The following ADAMTSL1 variants were observed in gnomAD, a reference collection of about 807,000 sequenced individuals.
ADAMTSL1 encodes the protein ADAMTS like 1.
A neutral mutation model predicts 201.8 loss-of-function variants in ADAMTSL1; 126 were observed. The observed-to-expected ratio is 0.62, with a 90% CI of 0.54 to 0.72. ADAMTSL1 has a LOEUF of 0.72. Among genes scored for constraint, ADAMTSL1 ranks in the 30% least tolerant of loss-of-function variants. ADAMTSL1 has a pLI of 0.00. For missense variants in ADAMTSL1, 2,679 were observed against 2,277.8 expected, an observed-to-expected ratio of 1.18 and a Z score of -3.59; for synonymous variants, 1,121 against 903.4, an observed-to-expected ratio of 1.24 and a Z score of -4.32.
At chr9:18,522,214 G>C (rs1348422778) in intron 2 of ADAMTSL1, among the ~76,000 whole-genome samples, 1 of 152,112 alleles carries the variant, frequency 6.6e-6, no homozygotes, top group Non-Finnish European at 1.5e-5. Context: ...CCTGGTGACA[G>C]GATCATCCCT....
intron 23 of ADAMTSL1, among the ~76,000 whole-genome samples, chr9:18,847,444 T>C (rs1299870661): frequency 6.6e-6 from 1 of 151,912 alleles, no homozygotes; most frequent in African/African-American, 2.4e-5. Context: ...GTAGGAGAAA[T>C]AGAAAATAAA....
chr9:18,139,817 A>G (rs1367891805), intron 1 of ADAMTSL1, among the ~76,000 whole-genome samples: 3 of 152,178 alleles, frequency 2.0e-5, no homozygotes, highest in Non-Finnish European at 2.9e-5. Flanking sequence ...TTTCAAATAT[A>G]TATCTTGTGG....
intron 20 of ADAMTSL1, among the ~76,000 whole-genome samples, chr9:18,799,372 A>G (rs1299695948): frequency 2.0e-5 from 3 of 152,236 alleles, no homozygotes; most frequent in African/African-American, 4.8e-5. Context: ...GCACTCAGCC[A>G]TCTTGCTCAG....
rs933769905 is a variant in ADAMTSL1 at position 18,315,038 on chromosome 9, C to T, written c.207+151057C>T. Among the ~76,000 whole-genome samples, 8 of 151,588 alleles carry T rather than the reference C, an allele frequency of 5.3e-5. No homozygotes were observed. The South Asian group carries it at 6.3e-4, about 12-fold the overall frequency. ...GTCTCGATCTCCTGACCTCGTGATC[C>T]GCCCGCCTCGGCCTCCCAAAGCAGC... On this transcript the variant is annotated intron_variant, in intron 2 of 29. Transcript: ENST00000680146.
chr9:18,895,482 T>G (rs10125550), intron 26 of ADAMTSL1, among the ~76,000 whole-genome samples: 15,490 of 149,044 alleles, frequency 0.1, 881 homozygotes, highest in Middle Eastern at 0.21. Context: ...CAGCCACTAC[T>G]TGTGAAATCT....
chr9:18,384,119 A>G (rs186526109), intron 2 of ADAMTSL1, among the ~76,000 whole-genome samples: 2 of 152,240 alleles, frequency 1.3e-5, no homozygotes, highest in African/African-American at 4.8e-5. Context: ...TGGGTAATTC[A>G]AGAAGAAAAG....
chr9:18,028,790 C>T (rs375679502), intron 1 of ADAMTSL1, among the ~76,000 whole-genome samples: 34 of 152,066 alleles, frequency 2.2e-4, no homozygotes, highest in African/African-American at 7.7e-4. Context: ...TTTTCCAATT[C>T]TGTGAAGAAA....
At chr9:17,930,831 G>A (rs1007206055) in intron 1 of ADAMTSL1, among the ~76,000 whole-genome samples, 2 of 152,128 alleles carry the variant, frequency 1.3e-5, no homozygotes, top group African/African-American at 4.8e-5. Context: ...GCTATTTGTT[G>A]CCCTACAGTA....
chr9:18,038,921 A>G (rs1241863054), intron 1 of ADAMTSL1, among the ~76,000 whole-genome samples: 1 of 152,240 alleles, frequency 6.6e-6, no homozygotes, highest in East Asian at 1.9e-4. Context: ...TACCAGTGAC[A>G]AAGCTATGAA....
intron 1 of ADAMTSL1, among the ~76,000 whole-genome samples, chr9:18,025,388 C>G (rs958673730): frequency 2.6e-5 from 4 of 151,916 alleles, no homozygotes; most frequent in Admixed American, 1.3e-4. Flanking sequence ...ATAGTTTCAG[C>G]TCTTACATTT....
At chr9:18,648,722 G>A (rs13286598) in intron 7 of ADAMTSL1, among the ~76,000 whole-genome samples, 2 of 150,460 alleles carry the variant, frequency 1.3e-5, no homozygotes, top group African/African-American at 4.9e-5. Flanking sequence ...GGTCCCCACT[G>A]TCTTCTGGCT....
intron 1 of ADAMTSL1, among the ~76,000 whole-genome samples, chr9:18,001,138 A>C (rs1429286679): frequency 6.6e-6 from 1 of 152,088 alleles, no homozygotes; most frequent in Non-Finnish European, 1.5e-5. Context: ...GGCAGTCACT[A>C]TCCTGGTCTT....
At chr9:18,412,057 A>G (rs1301552533) in intron 2 of ADAMTSL1, among the ~76,000 whole-genome samples, 1 of 152,200 alleles carries the variant, frequency 6.6e-6, no homozygotes, top group Admixed American at 6.5e-5. Flanking sequence ...TTGACTTGTC[A>G]GGGAAACTGG....
At chr9:18,412,918 C>T (rs1180873186) in intron 2 of ADAMTSL1, among the ~76,000 whole-genome samples, 1 of 152,020 alleles carries the variant, frequency 6.6e-6, no homozygotes, top group Non-Finnish European at 1.5e-5. Flanking sequence ...GCTGATATTT[C>T]GTATGTGATT....
chr9:18,798,330 T>TCTTTATACTCA (rs1173027306), intron 20 of ADAMTSL1, among the ~76,000 whole-genome samples: 1 of 152,210 alleles, frequency 6.6e-6, no homozygotes, highest in Non-Finnish European at 1.5e-5. Flanking sequence ...TTGAGCAACG[T>TCTTTATACTCA]CTTTATACTC....
At chr9:18,064,605 C>G (rs570210539) in intron 1 of ADAMTSL1, among the ~76,000 whole-genome samples, 28 of 152,080 alleles carry the variant, frequency 1.8e-4, no homozygotes, top group Non-Finnish European at 3.4e-4. Context: ...TTTATATGCC[C>G]TATAACATAA....
chr9:18,373,132 A>C (rs1260769347), intron 2 of ADAMTSL1, among the ~76,000 whole-genome samples: 3 of 152,018 alleles, frequency 2.0e-5, no homozygotes, highest in African/African-American at 7.2e-5. Context: ...TTCCCATCCA[A>C]CTCTATGATT....
chr9:18,150,362 G>A (rs902025657), intron 1 of ADAMTSL1, among the ~76,000 whole-genome samples: 10 of 151,990 alleles, frequency 6.6e-5, no homozygotes, highest in African/African-American at 2.4e-4. Context: ...CAAAAGGGAT[G>A]ACCTACTAGG....
At chr9:18,763,626 A>G (rs1332043281) in intron 16 of ADAMTSL1, among the ~76,000 whole-genome samples, 1 of 152,024 alleles carries the variant, frequency 6.6e-6, no homozygotes, top group Non-Finnish European at 1.5e-5. Context: ...GAGGTCTTAG[A>G]TTTAAGTCTT....
Sources: gnomAD v4.1 joint callset for allele counts (sites outside exome capture counted in the v4.1 genomes callset) on GRCh38, gnomAD v4.1.1 for gene constraint, MANE v1.5 for transcripts, NCBI Gene and HGNC (gene_info 2026-07-23, HGNC 2026-07-21) for gene names.